CACNA1A: variants seen among roughly 807,000 people sequenced by gnomAD.
CACNA1A encodes calcium voltage-gated channel subunit alpha1 A, also known as voltage-dependent P/Q-type calcium channel subunit alpha-1A.
A neutral mutation model predicts 262.4 loss-of-function variants in CACNA1A; 57 were observed. That is an observed-to-expected ratio of 0.22 (90% confidence interval 0.18 to 0.27). The LOEUF (loss-of-function observed/expected upper bound fraction) is 0.27. CACNA1A is among the 10% of genes least tolerant of loss of function. The pLI is 1.00. For synonymous variants in CACNA1A, 1,431 were observed against 1,419.3 expected (o/e 1.01, Z -0.18); for missense variants, 2,526 against 3,562.8 (o/e 0.71, Z 7.41).
chr19:13,344,773 G>T (rs192091009), intron 6 of CACNA1A, among the ~76,000 whole-genome samples: 2 of 145,482 alleles, frequency 1.4e-5, no homozygotes, highest in African/African-American at 2.6e-5. Flanking sequence ...TATTTATTTA[G>T]GGACAGAATC....
intron 6 of CACNA1A, among the ~76,000 whole-genome samples, chr19:13,345,131 G>C (rs2058741525): frequency 6.6e-6 from 1 of 152,032 alleles, no homozygotes; most frequent in Admixed American, 6.6e-5. Flanking sequence ...TATTTTTCTG[G>C]GAAAGGAGAG....
chr19:13,289,176 C>G lies in CACNA1A; in HGVS notation c.3090-2210G>C, dbSNP rs902352034. 1.8e-4 allele frequency among the ~76,000 whole-genome samples: 26 copies of G among 143,942 alleles called. No homozygotes were observed. In the East Asian group the frequency reaches 3.5e-3, roughly 20 times the overall value. The allele number at this position is 143,942 out of a possible 152,430, so 94.4% of individuals were successfully genotyped here. A position where few individuals can be genotyped will look rare whatever the true frequency, so the allele number is the denominator to read the frequency against. On this transcript the variant is annotated intron_variant, in intron 19 of 46. Transcript: ENST00000360228. ...TTTTTTTTTGAGACAGGGTCTCACTCTGTCGCCCAGGTTGTAGTGCAGTGG... is the reference window on the plus strand; with the variant it reads ...TTTTTTTTTGAGACAGGGTCTCACTGTGTCGCCCAGGTTGTAGTGCAGTGG...
Position 13,234,693 on chromosome 19 carries a change from G to A in CACNA1A, c.5249+228C>T. On this transcript the variant is annotated intron_variant, in intron 34 of 46. Coordinates refer to ENST00000360228, the MANE Select transcript of CACNA1A (RefSeq NM_001127222.2). ...CCACCCCCACACCAGAAAAGGAGGAGGAGGGCACGCCCCCTATCGGAAGAG... is the reference window on the plus strand; with the variant it reads ...CCACCCCCACACCAGAAAAGGAGGAAGAGGGCACGCCCCCTATCGGAAGAG... 4 of 532,018 alleles carry A rather than the reference G, an allele frequency of 7.5e-6. No homozygotes were observed. The South Asian group carries it at 9.4e-5, about 12-fold the overall frequency. 33.0% of individuals were successfully genotyped at this position (532,018 alleles called of 1,614,324 possible). A position where few individuals can be genotyped will look rare whatever the true frequency, so the allele number is the denominator to read the frequency against.
intron 44 of CACNA1A, among the ~76,000 whole-genome samples, chr19:13,210,084 T>TG (rs942893986): frequency 4.3e-5 from 6 of 141,096 alleles, no homozygotes; most frequent in Non-Finnish European, 7.7e-5. Context: ...TGGGTGGGGG[T>TG]GGGGGATACC....
intron 20 of CACNA1A, among the ~76,000 whole-genome samples, 198 bp downstream of exon 20, chr19:13,286,305 G>A (rs1047175884): frequency 7.2e-5 from 11 of 152,070 alleles, no homozygotes; most frequent in African/African-American, 2.4e-4. Flanking sequence ...ACACAACCCC[G>A]TGCCAGGCAC....
rs1330785344 is a variant in CACNA1A, at chr19:13,211,858, C to A, written c.6303+245G>T. 2.7e-5 allele frequency: 13 copies of A among 479,720 alleles called. No homozygotes were observed. In the East Asian group the frequency reaches 4.9e-4, roughly 18 times the overall value. 29.7% of individuals were successfully genotyped at this position (479,720 alleles called of 1,614,324 possible). On this transcript the variant is annotated intron_variant, in intron 43 of 46. Coordinates refer to ENST00000360228, the MANE Select transcript of CACNA1A (RefSeq NM_001127222.2). ...CAGCCAGAGACCATTTTGCAGTGGC[C>A]ACTGCCCTCTGCCCCAGGGGGAGCA...
At chr19:13,485,946 G>A (rs1568694798) in intron 1 of CACNA1A, among the ~76,000 whole-genome samples, 1 of 152,178 alleles carries the variant, frequency 6.6e-6, no homozygotes, top group Non-Finnish European at 1.5e-5. Flanking sequence ...GTGCCCAAAA[G>A]AGAACAAAGT....
rs1263469479 is a variant in CACNA1A, at chr19:13,207,337, G to A, written c.7497C>T (p.Ser2499=). 1 of 1,561,696 alleles carries A rather than the reference G, an allele frequency of 6.4e-7. No individual in the cohort carries two copies. The highest frequency in any genetic ancestry group is 8.6e-7 in the Non-Finnish European group (1 of 1,161,250). Residue 2499 remains serine (S), a synonymous_variant, in exon 47 of 47, where the codon AGC becomes AGT. Transcript: ENST00000360228. This position sits in a 1 kb window ranked among gnomAD's most constrained non-coding sequence, Gnocchi z 5.7. ...CTTAGCACCAATCATCGTCACTCTC[G>A]CTGTAGGGTTCGTGCAGGCCCTTCC... The part of the protein sequence containing the change: ...GSRKGLHEPY[S]ESDDDWC
Position 13,290,302 on chromosome 19 carries a change from T to C in CACNA1A, c.3090-3336A>G, listed in dbSNP as rs574859805. On this transcript the variant is annotated intron_variant, in intron 19 of 46. Transcript: ENST00000360228. ...GGACAGTCCACAAAGAAATCCCTAA[T>C]TCTAACCTGCTTGTGATGCTTTTTG... Among the ~76,000 whole-genome samples, 4 of 152,200 alleles carry C rather than the reference T, an allele frequency of 2.6e-5. No individual in the cohort carries two copies. The South Asian group carries it at 8.3e-4, about 32-fold the overall frequency.
chr19:13,474,632 T>C (rs1003323095), intron 1 of CACNA1A, among the ~76,000 whole-genome samples: 3 of 151,896 alleles, frequency 2.0e-5, no homozygotes, highest in Admixed American at 6.6e-5. Context: ...GCCTGGCCAA[T>C]ATGGTGAAAC....
chr19:13,253,867 G>T (rs1312997178), intron 29 of CACNA1A, among the ~76,000 whole-genome samples: 3 of 151,962 alleles, frequency 2.0e-5, no homozygotes, highest in Non-Finnish European at 4.4e-5. Flanking sequence ...AGCCTCTCAC[G>T]CAGCTGGTAT....
At chr19:13,330,178 CA>C in intron 10 of CACNA1A, 65 bp downstream of exon 10, 1 of 1,203,980 alleles carries the variant, frequency 8.3e-7, no homozygotes. Flanking sequence ...CCTCTGCCCC[CA>C]CCCCACCATG....
At chr19:13,264,800 T>C (rs2056824024) in intron 24 of CACNA1A, among the ~76,000 whole-genome samples, 1 of 152,162 alleles carries the variant, frequency 6.6e-6, no homozygotes, top group Non-Finnish European at 1.5e-5. Context: ...GTTTCTTCGG[T>C]CTCTGGTTTT....
At chr19:13,472,249 G>A (rs1292394250) in intron 1 of CACNA1A, among the ~76,000 whole-genome samples, 1 of 152,070 alleles carries the variant, frequency 6.6e-6, no homozygotes, top group Non-Finnish European at 1.5e-5. Context: ...AGGATCACAG[G>A]TGTGAGCCAC....
chr19:13,224,499 A>C lies in CACNA1A; in HGVS notation c.5731+168T>G, dbSNP rs551739498. Reference sequence around the variant, plus strand: ...AAGACTCTGTCTCAAAAAAAAAAAAAAAAAAACACCAAAACCCCAAACCCC... The same window carrying C: ...AAGACTCTGTCTCAAAAAAAAAAAACAAAAAACACCAAAACCCCAAACCCC... On this transcript the variant is annotated intron_variant, in intron 38 of 46. Transcript: ENST00000360228. Among the ~76,000 whole-genome samples, 373 of 151,880 alleles carry C rather than the reference A, an allele frequency of 2.5e-3. 2 individuals are homozygous for C. Among genetic ancestry groups the C allele is most frequent in the African/African-American group, 8.6e-3 (357 of 41,436 alleles).
intron 6 of CACNA1A, among the ~76,000 whole-genome samples, chr19:13,352,585 C>A (rs903078787): frequency 6.6e-6 from 1 of 152,076 alleles, no homozygotes; most frequent in Non-Finnish European, 1.5e-5. Context: ...GTTTACCTCC[C>A]CTTGATTCCT....
At chr19:13,381,231 T>A (rs576497442) in intron 3 of CACNA1A, among the ~76,000 whole-genome samples, 1 of 151,902 alleles carries the variant, frequency 6.6e-6, no homozygotes, top group Admixed American at 6.6e-5. Flanking sequence ...TTAAAAAAAA[T>A]AATAACAATT....
intron 3 of CACNA1A, among the ~76,000 whole-genome samples, chr19:13,383,641 T>C (rs2059558475): frequency 6.6e-6 from 1 of 152,152 alleles, no homozygotes; most frequent in African/African-American, 2.4e-5. Flanking sequence ...ATTACTATAT[T>C]GGCTGTCTCC....
At chr19:13,347,073 T>C (rs1600390883) in intron 6 of CACNA1A, among the ~76,000 whole-genome samples, 1 of 149,930 alleles carries the variant, frequency 6.7e-6, no homozygotes, top group African/African-American at 2.5e-5. Context: ...TTTTGTTTTT[T>C]TTTTTTGAGA....
Sources: allele counts gnomAD v4.1 joint callset (sites outside exome capture counted in the v4.1 genomes callset), GRCh38; gene constraint gnomAD v4.1.1; non-coding constraint Gnocchi (gnomAD v3.1); transcripts MANE v1.5; gene names NCBI Gene and HGNC (gene_info 2026-07-23, HGNC 2026-07-21).